VILL: variants seen among roughly 807,000 people sequenced by gnomAD.
VILL encodes villin-like protein.
A neutral mutation model predicts 106.3 loss-of-function variants in VILL; 102 were observed. The ratio of observed to expected loss-of-function variants is 0.96; its 90% CI spans 0.82 to 1.13. VILL has a LOEUF of 1.13. Ranked by LOEUF, VILL falls within the 50% of genes most tolerant of loss-of-function variation. The pLI is 0.00. For missense variants in VILL, 1,076 were observed against 1,116.6 expected (o/e 0.96, Z 0.52); for synonymous variants, 431 against 440.3 (o/e 0.98, Z 0.27).
Position 38,007,167 on chromosome 3 carries a change from T to A in VILL, c.*112T>A. 1.1e-6 allele frequency: 1 copy of A among 875,954 alleles called. No homozygotes were observed. The highest frequency in any genetic ancestry group is 1.8e-6 in the Non-Finnish European group (1 of 550,126). 54.3% of individuals were successfully genotyped at this position (875,954 alleles called of 1,614,324 possible). ...CTTTTGGTCATCCTCTGCGTGTCAG[T>A]AAAAGCAGGCAGCCCATACGAGCTG... On this transcript the variant is annotated 3_prime_UTR_variant, in exon 20 of 20. Coordinates refer to ENST00000383759, the MANE Select transcript of VILL (RefSeq NM_015873.4).
At chr3:38,004,914 G>A (rs377543135) in intron 16 of VILL, among the ~76,000 whole-genome samples, 5 of 152,330 alleles carry the variant, frequency 3.3e-5, no homozygotes, top group Admixed American at 2.0e-4. Flanking sequence ...ATGACTGGCT[G>A]TGGGCGAATG....
At chr3:37,993,774 A>C (rs773502945) in intron 2 of VILL, 42 bp downstream of exon 2, 1 of 1,611,584 alleles carries the variant, frequency 6.2e-7, no homozygotes, top group South Asian at 1.1e-5. Flanking sequence ...GACATGGAAG[A>C]GCGTGGGGTT....
intron 15 of VILL, chr3:38,003,712 GTGT>G (rs1699862561): frequency 4.5e-6 from 1 of 223,026 alleles, no homozygotes. Flanking sequence ...TGTATTCAGG[GTGT>G]TGTGTGTGGT....
At position 38,005,992 on chromosome 3, in the gene VILL, C is replaced by T; in HGVS notation, c.2133+18C>T. 2 of 1,602,756 alleles carry T rather than the reference C, an allele frequency of 1.2e-6. No homozygotes were observed. Among genetic ancestry groups the T allele is most frequent in the Non-Finnish European group, 1.7e-6 (2 of 1,172,642 alleles). On this transcript the variant is annotated intron_variant, in intron 17 of 19. Transcript: ENST00000383759. The stretch of plus-strand genomic sequence containing the variant: ...AGTGGACTGTGAGTGAGGCCTGAAA[C>T]CCCCAGCCCTACCCTAATTTGTGGG...
In VILL at chr3:37,994,325, AG is replaced by A; in HGVS notation, c.202del (p.Ala68ArgfsTer53). 1 of 1,611,822 alleles carries A rather than the reference AG, an allele frequency of 6.2e-7. No homozygotes were observed. The highest frequency in any genetic ancestry group is 1.1e-5 in the South Asian group (1 of 91,056). On this transcript the variant is annotated frameshift_variant, in exon 4 of 20. Transcript: ENST00000383759. LOFTEE classifies it high-confidence loss of function. Reference protein sequence around the residue: ...SSDLHYWVGKQAGAEAQGAAE... With the variant: ...SSDLHYWVGKXAGAEAQGAAE... ...GACCTGCACTACTGGGTCGGGAAGCAGGCGGGTGCGGAAGCGCAGGGCGCTG... is the reference window on the plus strand; with the variant it reads ...GACCTGCACTACTGGGTCGGGAAGCAGCGGGTGCGGAAGCGCAGGGCGCTG...
At position 37,998,519 on chromosome 3, in the gene VILL, T is replaced by C. The variant is rs911707050; in HGVS notation, c.942+155T>C. 2.0e-5 allele frequency among the ~76,000 whole-genome samples: 3 copies of C among 152,108 alleles called. No individual in the cohort carries two copies. The highest frequency in any genetic ancestry group is 4.4e-5 in the Non-Finnish European group (3 of 68,014). Reference sequence around the variant, plus strand: ...TGGAGTCTTAAAGGGGAGGTAGCCCTGCCCTGGGAGCCCTGAGAGTAAAGA... The same window carrying C: ...TGGAGTCTTAAAGGGGAGGTAGCCCCGCCCTGGGAGCCCTGAGAGTAAAGA... On this transcript the variant is annotated intron_variant, in intron 9 of 19. Transcript: ENST00000383759. The surrounding 1 kb of genome is among the most constrained non-coding windows in gnomAD (Gnocchi z 4.1).
At position 38,006,926 on chromosome 3, in the gene VILL, T is replaced by C. The variant is rs761009365; in HGVS notation, c.2458-16T>C. 17 of 1,607,456 alleles carry C rather than the reference T, an allele frequency of 1.1e-5. No homozygotes were observed. Among genetic ancestry groups the C allele is most frequent in the Non-Finnish European group, 1.4e-5 (17 of 1,174,480 alleles). Reference sequence around the variant, plus strand: ...TGACACCCTACCCTGTACCTCCCCCTCTCTCCCCTGCCCAGTTCTATCTCT... The same window carrying C: ...TGACACCCTACCCTGTACCTCCCCCCCTCTCCCCTGCCCAGTTCTATCTCT... On this transcript the variant is annotated splice_polypyrimidine_tract_variant and intron_variant, in intron 19 of 19. Transcript: ENST00000383759.
intron 14 of VILL, 106 bp downstream of exon 14, chr3:38,002,681 G>C (rs545275043): frequency 7.8e-7 from 1 of 1,287,820 alleles, no homozygotes; most frequent in South Asian, 1.4e-5. Flanking sequence ...GCCTCAGATA[G>C]GCCGATGGGG....
Position 38,006,147 on chromosome 3 carries a change from C to G in VILL, c.2134-34C>G, listed in dbSNP as rs754665210. 3.7e-6 allele frequency: 6 copies of G among 1,614,068 alleles called. No homozygotes were observed. The South Asian group carries it at 4.4e-5, about 12-fold the overall frequency. ...CCCATTGGTGCCCCCTTCTCCTGCC[C>G]TGGCCCTGATACTTGCCCCGATTCT... On this transcript the variant is annotated intron_variant, in intron 17 of 19. Transcript: ENST00000383759.
intron 11 of VILL, among the ~76,000 whole-genome samples, chr3:37,999,970 C>G (rs34263524): frequency 1.2e-4 from 19 of 152,382 alleles, no homozygotes; most frequent in African/African-American, 3.8e-4. Flanking sequence ...AGCCCAGTGT[C>G]CTGCGAGACG....
intron 1 of VILL, chr3:37,993,379 C>T: frequency 2.4e-6 from 1 of 421,052 alleles, no homozygotes; most frequent in Non-Finnish European, 4.3e-6. Flanking sequence ...GTGTTCGAAT[C>T]ATGCACTGCA....
Position 37,997,820 on chromosome 3 carries a change from C to A in VILL, c.764+135C>A. 9.6e-7 allele frequency: 1 copy of A among 1,036,762 alleles called. No individual in the cohort carries two copies. Among genetic ancestry groups the A allele is most frequent in the Non-Finnish European group, 1.4e-6 (1 of 719,768 alleles). 64.2% of individuals were successfully genotyped at this position (1,036,762 alleles called of 1,614,324 possible). A position where few individuals can be genotyped will look rare whatever the true frequency, so the allele number is the denominator to read the frequency against. On this transcript the variant is annotated intron_variant, in intron 7 of 19. Coordinates refer to ENST00000383759, the MANE Select transcript of VILL (RefSeq NM_015873.4). The surrounding 1 kb of genome is among the most constrained non-coding windows in gnomAD (Gnocchi z 4.7). ...GGTTTCTGGGACAGGTCATGTGGAC[C>A]GTGGGTCCAGCCTGTACTCTTCCAT...
At chr3:38,002,674 T>C in intron 14 of VILL, 99 bp downstream of exon 14, 1 of 1,356,754 alleles carries the variant, frequency 7.4e-7, no homozygotes, top group Admixed American at 2.1e-5. Flanking sequence ...GAGTCCAGCC[T>C]CAGATAGGCC....
rs764895455 is a variant in VILL at position 37,999,320 on chromosome 3, C to G, written c.1082-19C>G. ...GGGGGGGCAGAGGGCGCCACTGACGCCTACTGTCCCCCCTTCAGATAAATC... is the reference window on the plus strand; with the variant it reads ...GGGGGGGCAGAGGGCGCCACTGACGGCTACTGTCCCCCCTTCAGATAAATC... On this transcript the variant is annotated intron_variant, in intron 10 of 19. Coordinates refer to ENST00000383759, the MANE Select transcript of VILL (RefSeq NM_015873.4). 10 of 1,501,790 alleles carry G rather than the reference C, an allele frequency of 6.7e-6. No homozygotes were observed. Among genetic ancestry groups the G allele is most frequent in the Non-Finnish European group, 8.9e-6 (10 of 1,125,472 alleles). The allele number at this position is 1,501,790 out of a possible 1,614,324, so 93.0% of individuals were successfully genotyped here. A position where few individuals can be genotyped will look rare whatever the true frequency, so the allele number is the denominator to read the frequency against.
chr3:38,005,150 G>A (rs758091930), intron 16 of VILL, among the ~76,000 whole-genome samples: 14 of 152,034 alleles, frequency 9.2e-5, no homozygotes, highest in Non-Finnish European at 1.9e-4. Flanking sequence ...CTGTGGGGCC[G>A]TGTCTACAGC....
At position 37,998,073 on chromosome 3, in the gene VILL, G is replaced by A. The variant is rs1283082625; in HGVS notation, c.765-17G>A. ...GGAGGGGCTGGGCTGGCCACTCCTG[G>A]GTTCCTGTCCCCCCAGTGTCTATGA... On this transcript the variant is annotated splice_polypyrimidine_tract_variant and intron_variant, in intron 7 of 19. Transcript: ENST00000383759. This position sits in a 1 kb window ranked among gnomAD's most constrained non-coding sequence, Gnocchi z 4.1. 1 of 1,594,666 alleles carries A rather than the reference G, an allele frequency of 6.3e-7. No individual in the cohort carries two copies. The highest frequency in any genetic ancestry group is 2.3e-5 in the East Asian group (1 of 43,490).
chr3:37,997,325 G>A lies in VILL; in HGVS notation c.561+138G>A. 4 of 1,166,276 alleles carry A rather than the reference G, an allele frequency of 3.4e-6. No homozygotes were observed. In the South Asian group the frequency reaches 5.6e-5, roughly 16 times the overall value. 72.2% of individuals were successfully genotyped at this position (1,166,276 alleles called of 1,614,324 possible). A position where few individuals can be genotyped will look rare whatever the true frequency, so the allele number is the denominator to read the frequency against. ...GAAACGCCTATGAGTTACAAGCTGAGTTCAGACCCTGCATTGTTGGTGTCC... is the reference window on the plus strand; with the variant it reads ...GAAACGCCTATGAGTTACAAGCTGAATTCAGACCCTGCATTGTTGGTGTCC... On this transcript the variant is annotated intron_variant, in intron 6 of 19. Transcript: ENST00000383759. The surrounding 1 kb of genome is among the most constrained non-coding windows in gnomAD (Gnocchi z 4.7).
At chr3:37,993,507 A>T (rs1159072623) in intron 1 of VILL, 80 bp from the exon 2 acceptor site, 21 of 638,970 alleles carry the variant, frequency 3.3e-5, no homozygotes, top group Non-Finnish European at 5.4e-5. Context: ...TTGCTGCAGA[A>T]TCTGAGTCTT....
chr3:37,997,687 T>A lies in VILL; in HGVS notation c.764+2T>A. ...GAAGGCCAATGTTCGCCTGTACCAG[T>A]GAGTACCCCTGGGGTGGGCAGGGGT... On this transcript the variant is annotated splice_donor_variant, in intron 7 of 19. Coordinates refer to ENST00000383759, the MANE Select transcript of VILL (RefSeq NM_015873.4). LOFTEE classifies it high-confidence loss of function. The surrounding 1 kb of genome is among the most constrained non-coding windows in gnomAD (Gnocchi z 4.7). 6.3e-7 allele frequency: 1 copy of A among 1,595,360 alleles called. No individual in the cohort carries two copies. The highest frequency in any genetic ancestry group is 2.3e-5 in the East Asian group (1 of 44,328).
Sources: allele counts gnomAD v4.1 joint callset (sites outside exome capture counted in the v4.1 genomes callset), GRCh38; gene constraint gnomAD v4.1.1; non-coding constraint Gnocchi (gnomAD v3.1); transcripts MANE v1.5; gene names NCBI Gene and HGNC (gene_info 2026-07-23, HGNC 2026-07-21).